BMPR1B: variants seen among roughly 807,000 people sequenced by gnomAD.
BMPR1B encodes the protein bone morphogenetic protein receptor type-1B.
BMPR1B carries 12 observed loss-of-function variants against 59.1 expected under a neutral mutation model. That is an observed-to-expected ratio of 0.20 (90% CI 0.13 to 0.33). The LOEUF (loss-of-function observed/expected upper bound fraction) is 0.33. Among genes scored for constraint, BMPR1B ranks in the 10% least tolerant of loss-of-function variants. BMPR1B has a pLI of 1.00. For missense variants in BMPR1B, 550 were observed against 610.9 expected (o/e 0.90, Z 1.05); for synonymous variants, 237 against 207.3 (o/e 1.14, Z -1.23).
chr4:94,874,865 C>T (rs1398886842), intron 1 of BMPR1B, among the ~76,000 whole-genome samples: 3 of 152,054 alleles, frequency 2.0e-5, no homozygotes, highest in East Asian at 1.9e-4. Flanking sequence ...TGGTGGCAGA[C>T]GCCTGTAGTC....
chr4:94,835,440 C>T (rs1171613360), intron 1 of BMPR1B, among the ~76,000 whole-genome samples: 2 of 152,114 alleles, frequency 1.3e-5, no homozygotes, highest in East Asian at 3.9e-4. Context: ...TATATGCTAG[C>T]ATTTTGTCTG....
intron 1 of BMPR1B, among the ~76,000 whole-genome samples, chr4:94,851,626 T>C (rs1725568405): frequency 6.6e-6 from 1 of 152,000 alleles, no homozygotes; most frequent in African/African-American, 2.4e-5. Flanking sequence ...TTTGAACACA[T>C]ACCTCTAATT....
At chr4:94,849,142 A>T (rs1725466952) in intron 1 of BMPR1B, among the ~76,000 whole-genome samples, 1 of 152,212 alleles carries the variant, frequency 6.6e-6, no homozygotes, top group African/African-American at 2.4e-5. Context: ...CAGTATGAGG[A>T]CTGAGCCCAG....
chr4:95,052,223 G>A (rs774200412), intron 3 of BMPR1B, among the ~76,000 whole-genome samples: 4 of 152,058 alleles, frequency 2.6e-5, no homozygotes, highest in African/African-American at 4.8e-5. Flanking sequence ...CTGTAATTTT[G>A]CAATGGAAAT....
At chr4:95,029,279 G>A (rs1401307425) in intron 3 of BMPR1B, among the ~76,000 whole-genome samples, 1 of 128,342 alleles carries the variant, frequency 7.8e-6, no homozygotes, top group Non-Finnish European at 1.5e-5. Context: ...CCCAGAGTGT[G>A]ATGTTCTCCT....
intron 1 of BMPR1B, among the ~76,000 whole-genome samples, chr4:94,807,232 C>G (rs567043200): frequency 1.2e-4 from 19 of 152,074 alleles, no homozygotes; most frequent in African/African-American, 4.6e-4. Context: ...GTAGCTGGGA[C>G]CACAGATGCC....
Position 95,115,967 on chromosome 4 carries a change from A to C in BMPR1B, c.349+180A>C, listed in dbSNP as rs549768514. ...ATGTGCAAGTAGTTTGTGGGAAAAC[A>C]GTCATATGTGACTTCACTTTTATGA... On this transcript the variant is annotated intron_variant, in intron 6 of 12. Coordinates refer to ENST00000515059, the MANE Select transcript of BMPR1B (RefSeq NM_001203.3). 4.4e-4 allele frequency among the ~76,000 whole-genome samples: 67 copies of C among 152,350 alleles called. No homozygotes were observed. The South Asian group carries it at 8.9e-3, about 20-fold the overall frequency.
intron 1 of BMPR1B, among the ~76,000 whole-genome samples, chr4:94,868,278 C>T (rs568572923): frequency 1.3e-5 from 2 of 152,184 alleles, no homozygotes; most frequent in Non-Finnish European, 2.9e-5. Flanking sequence ...AAGTGATTCT[C>T]CTGCCTCAGC....
chr4:94,986,196 C>G (rs1721394242), intron 2 of BMPR1B, among the ~76,000 whole-genome samples: 1 of 152,046 alleles, frequency 6.6e-6, no homozygotes, highest in Non-Finnish European at 1.5e-5. Context: ...ATTATTTCGT[C>G]TCTTTATTGG....
At chr4:94,777,050 TACTC>T (rs568249995) in intron 1 of BMPR1B, among the ~76,000 whole-genome samples, 106 of 152,342 alleles carry the variant, frequency 7.0e-4, no homozygotes, top group Non-Finnish European at 1.4e-3. Flanking sequence ...TGACTGGAAA[TACTC>T]ATTTGTATCT....
chr4:95,087,246 A>G (rs1729654221), intron 3 of BMPR1B, among the ~76,000 whole-genome samples: 1 of 151,992 alleles, frequency 6.6e-6, no homozygotes, highest in South Asian at 2.1e-4. Flanking sequence ...CAGGCTGGTC[A>G]CGAACTTTGT....
intron 2 of BMPR1B, among the ~76,000 whole-genome samples, chr4:94,965,529 A>C (rs1449205924): frequency 1.3e-5 from 2 of 152,140 alleles, no homozygotes; most frequent in African/African-American, 4.8e-5. Context: ...GTTATATAAG[A>C]TATTCCAAAT....
rs1438434181 is a variant in BMPR1B, at chr4:94,867,796, A to G, written c.-182-8035A>G. On this transcript the variant is annotated intron_variant, in intron 1 of 12. Coordinates refer to ENST00000515059, the MANE Select transcript of BMPR1B (RefSeq NM_001203.3). ...TTGACACATTGCCCAGTAAATGTTT[A>G]TTCTTGTGTAATTACTGCATTAAGA... is the stretch of plus-strand genomic sequence containing the variant. Among the ~76,000 whole-genome samples the G allele has an allele frequency of 2.0e-5, 3 of 152,300 alleles. No homozygotes were observed. The South Asian group carries it at 6.2e-4, about 32-fold the overall frequency.
chr4:94,816,159 A>G (rs987758110), intron 1 of BMPR1B, among the ~76,000 whole-genome samples: 3 of 151,808 alleles, frequency 2.0e-5, no homozygotes, highest in Non-Finnish European at 4.4e-5. Flanking sequence ...TTATTTATTT[A>G]TTTTTGAGAT....
intron 1 of BMPR1B, among the ~76,000 whole-genome samples, chr4:94,793,281 T>C (rs1723054210): frequency 1.3e-5 from 2 of 152,000 alleles, no homozygotes; most frequent in South Asian, 4.1e-4. Context: ...GTTTTTTTGT[T>C]CTTGTGATAG....
Position 95,130,416 on chromosome 4 carries a change from A to G in BMPR1B, c.778+362A>G, listed in dbSNP as rs1733242183. Among the ~76,000 whole-genome samples the G allele has an allele frequency of 2.6e-5, 4 of 152,198 alleles. No individual in the cohort carries two copies. In the South Asian group the frequency reaches 8.3e-4, roughly 32 times the overall value. On this transcript the variant is annotated intron_variant, in intron 9 of 12. Coordinates refer to ENST00000515059, the MANE Select transcript of BMPR1B (RefSeq NM_001203.3). Reference sequence around the variant, plus strand: ...GGAATCTTATCTGCAGGGTTTATTTATATCAATAGTTTATATTGAGAATTG... The same window carrying G: ...GGAATCTTATCTGCAGGGTTTATTTGTATCAATAGTTTATATTGAGAATTG...
chr4:94,888,037 A>G (rs574198084), intron 2 of BMPR1B, among the ~76,000 whole-genome samples: 86 of 152,224 alleles, frequency 5.6e-4, no homozygotes, highest in Non-Finnish European at 1.0e-3. Context: ...AGCATTAGCT[A>G]TTGAAAACCA....
At chr4:95,141,902 C>T (rs1400427052) in intron 10 of BMPR1B, among the ~76,000 whole-genome samples, 3 of 152,078 alleles carry the variant, frequency 2.0e-5, no homozygotes, top group South Asian at 2.1e-4. Flanking sequence ...TAGCTTAGTT[C>T]GGAGGGTACT....
At chr4:94,833,758 G>C (rs923770782) in intron 1 of BMPR1B, among the ~76,000 whole-genome samples, 8 of 152,172 alleles carry the variant, frequency 5.3e-5, no homozygotes, top group Non-Finnish European at 1.0e-4. Context: ...ACCCAGAATT[G>C]TTCTTAGCAC....
Sources: allele counts gnomAD v4.1 joint callset (sites outside exome capture counted in the v4.1 genomes callset), GRCh38; gene constraint gnomAD v4.1.1; transcripts MANE v1.5; gene names NCBI Gene and HGNC (gene_info 2026-07-23, HGNC 2026-07-21).